COP1: variants seen among roughly 807,000 people sequenced by gnomAD.
COP1 encodes E3 ubiquitin-protein ligase COP1.
A neutral mutation model predicts 101.3 loss-of-function variants in COP1; 24 were observed. The observed-to-expected ratio is 0.24, with a 90% confidence interval of 0.17 to 0.33. COP1 has a LOEUF of 0.33. COP1 is among the 10% of genes least tolerant of loss of function. The pLI is 1.00. For missense variants in COP1, 663 were observed against 906.2 expected (o/e 0.73, Z 3.45); for synonymous variants, 347 against 341.9 (o/e 1.01, Z -0.17).
At chr1:175,997,361 C>T (rs1377708413) in intron 15 of COP1, among the ~76,000 whole-genome samples, 1 of 151,892 alleles carries the variant, frequency 6.6e-6, no homozygotes, top group Admixed American at 6.6e-5. Flanking sequence ...GTCTAAAACA[C>T]CAAAAGCAAT....
At chr1:176,203,743 A>C (rs1457035939) in intron 1 of COP1, among the ~76,000 whole-genome samples, 2 of 152,240 alleles carry the variant, frequency 1.3e-5, no homozygotes, top group Non-Finnish European at 2.9e-5. Context: ...TAAAATATAA[A>C]AATGCAACCT....
At chr1:175,958,678 A>C (rs1236931659) in intron 18 of COP1, among the ~76,000 whole-genome samples, 1 of 147,810 alleles carries the variant, frequency 6.8e-6, no homozygotes. Context: ...GAGAATAAAT[A>C]ATGTTATAGA....
chr1:176,040,143 TA>T (rs1372111583), intron 14 of COP1, among the ~76,000 whole-genome samples: 2 of 152,068 alleles, frequency 1.3e-5, no homozygotes, highest in African/African-American at 4.8e-5. Flanking sequence ...AAGAACACTA[TA>T]AAAAAACTAA....
In COP1 at chr1:176,180,707, A is replaced by T. The variant is rs146448197; in HGVS notation, c.467+3926T>A. On this transcript the variant is annotated intron_variant, in intron 2 of 19. Coordinates refer to ENST00000367669, the MANE Select transcript of COP1 (RefSeq NM_022457.7). ...TCTTTTTATATCTATGTAAACAAGG[A>T]TGAGTAGATATAAACAACTGTAAGT... Among the ~76,000 whole-genome samples the T allele has an allele frequency of 4.7e-4, 71 of 152,352 alleles. 1 individual carries two copies. In the East Asian group the frequency reaches 0.012, roughly 25 times the overall value.
At chr1:176,168,727 A>G in intron 3 of COP1, 2 of 355,588 alleles carry the variant, frequency 5.6e-6, no homozygotes, top group Non-Finnish European at 1.1e-5. Context: ...GGAGGCAGAG[A>G]GGAGCAGACA....
chr1:176,093,482 G>A (rs1419025005), intron 9 of COP1, among the ~76,000 whole-genome samples: 1 of 151,960 alleles, frequency 6.6e-6, no homozygotes. Flanking sequence ...GCTGAGGTGG[G>A]CGGATTACAA....
At chr1:175,954,929 A>AT (rs1553275167) in intron 18 of COP1, among the ~76,000 whole-genome samples, 2 of 151,230 alleles carry the variant, frequency 1.3e-5, no homozygotes, top group Admixed American at 6.6e-5. Context: ...AACATTAAAA[A>AT]ATATATATAT....
intron 18 of COP1, among the ~76,000 whole-genome samples, chr1:175,956,355 A>G (rs1476503243): frequency 6.6e-6 from 1 of 152,176 alleles, no homozygotes; most frequent in East Asian, 1.9e-4. Flanking sequence ...CTTCTATCAT[A>G]CCATTCCCAA....
chr1:176,091,732 T>TA (rs1681364165), intron 9 of COP1, among the ~76,000 whole-genome samples: 1 of 149,502 alleles, frequency 6.7e-6, no homozygotes, highest in East Asian at 2.0e-4. Context: ...GTGGGGGAGG[T>TA]AAAAACGTAA....
intron 9 of COP1, among the ~76,000 whole-genome samples, chr1:176,106,298 T>TG (rs1244868626): frequency 6.6e-6 from 1 of 152,194 alleles, no homozygotes; most frequent in African/African-American, 2.4e-5. Context: ...CCCAAAGTGC[T>TG]GGGATTACAG....
chr1:176,162,703 T>C (rs1694518551), intron 5 of COP1, among the ~76,000 whole-genome samples, 166 bp downstream of exon 5: 1 of 152,200 alleles, frequency 6.6e-6, no homozygotes, highest in Non-Finnish European at 1.5e-5. Context: ...TTCTTTAAGT[T>C]ACAAAAAGGG....
At chr1:176,058,897 T>C (rs1674349817) in intron 11 of COP1, among the ~76,000 whole-genome samples, 1 of 152,048 alleles carries the variant, frequency 6.6e-6, no homozygotes, top group South Asian at 2.1e-4. Flanking sequence ...ACTTCAAACA[T>C]ATATAAACCT....
chr1:175,985,007 T>C (rs780008800), intron 18 of COP1, among the ~76,000 whole-genome samples: 4 of 152,218 alleles, frequency 2.6e-5, no homozygotes, highest in African/African-American at 4.8e-5. Context: ...ACGTTGGACT[T>C]TGGACTTCTG....
intron 8 of COP1, among the ~76,000 whole-genome samples, chr1:176,127,310 TCTAA>T (rs1364340562): frequency 6.6e-6 from 1 of 152,126 alleles, no homozygotes; most frequent in Non-Finnish European, 1.5e-5. Flanking sequence ...ATTCTTCCTG[TCTAA>T]CTATAACTTT....
At chr1:176,150,379 T>C (rs767098795) in intron 5 of COP1, among the ~76,000 whole-genome samples, 1 of 152,206 alleles carries the variant, frequency 6.6e-6, no homozygotes, top group Non-Finnish European at 1.5e-5. Context: ...TTCCAAAACA[T>C]AGAATCATGA....
chr1:176,124,638 T>C (rs953134793), intron 8 of COP1, among the ~76,000 whole-genome samples: 1 of 152,246 alleles, frequency 6.6e-6, no homozygotes, highest in East Asian at 1.9e-4. Context: ...CCATTGAGTA[T>C]GTGTACCACA....
Position 175,966,985 on chromosome 1 carries a change from G to A in COP1, c.2134-19746C>T, listed in dbSNP as rs535107475. On this transcript the variant is annotated intron_variant, in intron 18 of 19. Coordinates refer to ENST00000367669, the MANE Select transcript of COP1 (RefSeq NM_022457.7). ...GAATTGGGATTTCTTCATCACAAAG[G>A]AACACTTTCAAAATCAGTTAATCCC... Among the ~76,000 whole-genome samples, 68 of 152,124 alleles carry A rather than the reference G, an allele frequency of 4.5e-4. 1 individual carries two copies. The highest frequency in any genetic ancestry group is 3.4e-3 in the Middle Eastern group (1 of 294).
intron 15 of COP1, among the ~76,000 whole-genome samples, chr1:176,024,185 G>A (rs574579069): frequency 6.6e-6 from 1 of 152,280 alleles, no homozygotes; most frequent in Non-Finnish European, 1.5e-5. Context: ...CTTGAGTCGG[G>A]GAGGCAGAGG....
At chr1:176,005,180 TGTGGGATCG>T (rs1245504781) in intron 15 of COP1, among the ~76,000 whole-genome samples, 2 of 152,236 alleles carry the variant, frequency 1.3e-5, no homozygotes, top group Non-Finnish European at 2.9e-5. Flanking sequence ...TTTGTATTTC[TGTGGGATCG>T]GTGGTGATAT....
Sources: allele counts gnomAD v4.1 joint callset (sites outside exome capture counted in the v4.1 genomes callset), GRCh38; gene constraint gnomAD v4.1.1; transcripts MANE v1.5; gene names NCBI Gene and HGNC (gene_info 2026-07-23, HGNC 2026-07-21).